The following ATXN7L1 variants were observed in gnomAD, a reference collection of about 807,000 sequenced individuals.
The protein encoded by ATXN7L1 is ataxin 7 like 1.
A neutral mutation model predicts 70.8 loss-of-function variants in ATXN7L1; 15 were observed. The ratio of observed to expected loss-of-function variants is 0.21; its 90% confidence interval spans 0.14 to 0.33. The LOEUF (loss-of-function observed/expected upper bound fraction) is 0.33, where lower values mean the gene tolerates loss of function less well. ATXN7L1 is among the 10% of genes least tolerant of loss of function. The pLI, the probability that ATXN7L1 is intolerant of heterozygous loss-of-function variation, is 1.00. For missense variants in ATXN7L1, 975 were observed against 1,097.1 expected (o/e 0.89, Z 1.57); for synonymous variants, 440 against 445.1 (o/e 0.99, Z 0.14).
At chr7:105,673,523 AG>A (rs1299110793) in intron 3 of ATXN7L1, among the ~76,000 whole-genome samples, 1 of 152,224 alleles carries the variant, frequency 6.6e-6, no homozygotes, top group Non-Finnish European at 1.5e-5. Flanking sequence ...TTTTGAGGGC[AG>A]GTGCTTGGCA....
At chr7:105,718,348 C>T (rs570049464) in intron 3 of ATXN7L1, among the ~76,000 whole-genome samples, 1 of 152,192 alleles carries the variant, frequency 6.6e-6, no homozygotes, top group Non-Finnish European at 1.5e-5. Flanking sequence ...AGTCCGAATT[C>T]CGAGTTCCTG....
chr7:105,805,281 C>T (rs189823098), intron 2 of ATXN7L1, among the ~76,000 whole-genome samples: 3 of 152,152 alleles, frequency 2.0e-5, no homozygotes, highest in Non-Finnish European at 4.4e-5. Flanking sequence ...TGGGGGCAGG[C>T]GAGAACTTGC....
intron 3 of ATXN7L1, among the ~76,000 whole-genome samples, chr7:105,746,024 C>T (rs1798548112): frequency 6.6e-6 from 1 of 152,222 alleles, no homozygotes; most frequent in Non-Finnish European, 1.5e-5. Context: ...ACCATTCCCC[C>T]AGTGGTTCAG....
intron 2 of ATXN7L1, among the ~76,000 whole-genome samples, chr7:105,830,018 G>A (rs1232651393): frequency 1.3e-5 from 2 of 152,182 alleles, no homozygotes; most frequent in Non-Finnish European, 2.9e-5. Context: ...GGGGACACAC[G>A]AAGTGGCTCA....
In ATXN7L1 at chr7:105,624,129, G is replaced by C; in HGVS notation, c.1341C>G (p.Asp447Glu). 1.3e-6 allele frequency: 2 copies of C among 1,524,582 alleles called. No individual in the cohort carries two copies. The highest frequency in any genetic ancestry group is 1.8e-6 in the Non-Finnish European group (2 of 1,131,364). The allele number at this position is 1,524,582 out of a possible 1,614,324, so 94.4% of individuals were successfully genotyped here. A position where few individuals can be genotyped will look rare whatever the true frequency, so the allele number is the denominator to read the frequency against. The stretch of plus-strand genomic sequence containing the variant: ...ACTGACAGTCTAGCTTCTCGGATTC[G>C]TCGGCTCCGTCCATCTCCCCTTCAT... ...SSDEGEMDGA[D>E]ESEKLDCQFS... Residue 447 changes from aspartate (D) to glutamate (E), a missense_variant, in exon 8 of 12, where the codon GAC becomes GAG. Coordinates refer to ENST00000419735, the MANE Select transcript of ATXN7L1 (RefSeq NM_020725.2).
chr7:105,635,490 G>C (rs943621548), intron 7 of ATXN7L1, among the ~76,000 whole-genome samples: 4 of 152,130 alleles, frequency 2.6e-5, no homozygotes, highest in Non-Finnish European at 5.9e-5. Flanking sequence ...TTATGTGCTT[G>C]GTACTTTCTC....
chr7:105,863,382 A>T (rs1233405810), intron 2 of ATXN7L1, among the ~76,000 whole-genome samples: 1 of 152,216 alleles, frequency 6.6e-6, no homozygotes, highest in Non-Finnish European at 1.5e-5. Flanking sequence ...TCAAGGGGGA[A>T]TGAAAGGTAG....
chr7:105,761,298 C>T, intron 3 of ATXN7L1: 2 of 1,600,440 alleles, frequency 1.2e-6, no homozygotes, highest in Non-Finnish European at 1.7e-6. Context: ...GGAGTCTCCT[C>T]TTCCAGGAAG....
intron 3 of ATXN7L1, among the ~76,000 whole-genome samples, chr7:105,698,568 C>T (rs534521557): frequency 1.1e-4 from 17 of 152,160 alleles, no homozygotes; most frequent in African/African-American, 3.4e-4. Context: ...TTTGCCATGC[C>T]GCTCATGCTC....
intron 3 of ATXN7L1, among the ~76,000 whole-genome samples, chr7:105,746,175 C>G (rs562190202): frequency 6.6e-6 from 1 of 152,288 alleles, no homozygotes; most frequent in African/African-American, 2.4e-5. Context: ...TACAGGCCAC[C>G]AGGACTGCTC....
intron 2 of ATXN7L1, among the ~76,000 whole-genome samples, chr7:105,799,810 C>T (rs953973742): frequency 6.6e-6 from 1 of 152,170 alleles, no homozygotes; most frequent in African/African-American, 2.4e-5. Context: ...GCACTCCAGC[C>T]ACTGGGACAG....
chr7:105,671,207 C>T (rs915380659), intron 3 of ATXN7L1, among the ~76,000 whole-genome samples: 2 of 150,160 alleles, frequency 1.3e-5, no homozygotes, highest in Non-Finnish European at 1.5e-5. Flanking sequence ...CACTTGAACC[C>T]GGGAGGCGGA....
At chr7:105,826,533 A>G (rs1436476066) in intron 2 of ATXN7L1, among the ~76,000 whole-genome samples, 3 of 152,224 alleles carry the variant, frequency 2.0e-5, no homozygotes, top group South Asian at 4.1e-4. Flanking sequence ...CATATACCTA[A>G]AAAATGGAGA....
chr7:105,672,782 C>G (rs1333179973), intron 3 of ATXN7L1, among the ~76,000 whole-genome samples: 2 of 152,160 alleles, frequency 1.3e-5, no homozygotes, highest in Non-Finnish European at 2.9e-5. Context: ...ACCTGACTCC[C>G]CTAGGGAGAG....
chr7:105,638,728 C>A, intron 6 of ATXN7L1, 119 bp from the exon 7 acceptor site: 1 of 1,298,114 alleles, frequency 7.7e-7, no homozygotes, highest in Non-Finnish European at 1.0e-6. Context: ...GAAAAGTCAA[C>A]TTCAAGGCAA....
intron 2 of ATXN7L1, among the ~76,000 whole-genome samples, chr7:105,866,270 G>A (rs577673212): frequency 7.9e-4 from 121 of 152,214 alleles, no homozygotes; most frequent in African/African-American, 2.7e-3. Context: ...GCCTGTCATC[G>A]ACTCACTTTT....
chr7:105,616,549 A>G, intron 9 of ATXN7L1, among the ~76,000 whole-genome samples: 1 of 152,224 alleles, frequency 6.6e-6, no homozygotes, highest in East Asian at 1.9e-4. Context: ...AAGGTAAGAG[A>G]TCCTGTAAGC....
chr7:105,650,835 G>A (rs1471906777), intron 4 of ATXN7L1, among the ~76,000 whole-genome samples: 1 of 152,166 alleles, frequency 6.6e-6, no homozygotes, highest in Non-Finnish European at 1.5e-5. Flanking sequence ...TTGTAAAAAT[G>A]GCCAGAAGCA....
intron 2 of ATXN7L1, among the ~76,000 whole-genome samples, chr7:105,796,622 C>T (rs1433635346): frequency 6.6e-6 from 1 of 152,206 alleles, no homozygotes; most frequent in African/African-American, 2.4e-5. Context: ...ATATGTGATT[C>T]ACTCCAAGCA....
Sources: gnomAD v4.1 joint callset for allele counts (sites outside exome capture counted in the v4.1 genomes callset) on GRCh38, gnomAD v4.1.1 for gene constraint, MANE v1.5 for transcripts, NCBI Gene and HGNC (gene_info 2026-07-23, HGNC 2026-07-21) for gene names.